The following DSG3 variants were observed in gnomAD, a reference collection of about 807,000 sequenced individuals.
DSG3 encodes the protein desmoglein 3, also known as desmoglein-3.
Under a neutral mutation model 85.9 loss-of-function variants are expected in DSG3, and 63 were observed. That is an observed-to-expected ratio of 0.73 (90% CI 0.60 to 0.90). DSG3 has a LOEUF of 0.90. Ranked by LOEUF, DSG3 falls within the 40% of genes least tolerant of loss-of-function variation. DSG3 has a pLI of 0.00. For missense variants in DSG3, 1,220 were observed against 1,219.9 expected (o/e 1.00, Z 0.00); for synonymous variants, 447 against 441.9 (o/e 1.01, Z -0.14).
chr18:31,450,803 G>A (rs1366392547), intron 1 of DSG3, among the ~76,000 whole-genome samples: 2 of 152,182 alleles, frequency 1.3e-5, no homozygotes, highest in African/African-American at 4.8e-5. Context: ...AAAAAGTGCT[G>A]TGAGAAAGAT....
chr18:31,457,551 T>TTCTTTCTTTCTTTC (rs2072752335), intron 3 of DSG3, among the ~76,000 whole-genome samples: 1 of 110,238 alleles, frequency 9.1e-6, no homozygotes, highest in Non-Finnish European at 1.8e-5. Flanking sequence ...TTCTTTCTCT[T>TTCTTTCTTTCTTTC]TCTTTCTTTC....
rs2072812367 is a variant in DSG3, at chr18:31,465,463, A to G, written c.1411+6A>G. 6.8e-7 allele frequency: 1 copy of G among 1,459,900 alleles called. No homozygotes were observed. Among genetic ancestry groups the G allele is most frequent in the Non-Finnish European group, 9.1e-7 (1 of 1,103,684 alleles). 90.4% of individuals were successfully genotyped at this position (1,459,900 alleles called of 1,614,324 possible). A position where few individuals can be genotyped will look rare whatever the true frequency, so the allele number is the denominator to read the frequency against. On this transcript the variant is annotated splice_donor_region_variant and intron_variant, in intron 10 of 15. Transcript: ENST00000257189. ...TGAGGTTCTGGCCATAGATGGTAAG[A>G]AAAATATTTGAATCATTTCAGAGGA...
chr18:31,457,574 T>TTTC (rs2072754309), intron 3 of DSG3, among the ~76,000 whole-genome samples: 4 of 74,530 alleles, frequency 5.4e-5, no homozygotes, highest in African/African-American at 2.4e-4. Context: ...TCTTTCTTTC[T>TTTC]TTCTTTCTTT....
intron 13 of DSG3, 48 bp from the exon 14 acceptor site, chr18:31,472,677 G>A: frequency 6.3e-7 from 1 of 1,595,224 alleles, no homozygotes; most frequent in Non-Finnish European, 8.6e-7. Context: ...ATATTGCTCT[G>A]AAATCTGGTT....
intron 1 of DSG3, among the ~76,000 whole-genome samples, chr18:31,452,603 G>A (rs1411891838): frequency 1.3e-5 from 2 of 148,954 alleles, no homozygotes; most frequent in Non-Finnish European, 3.0e-5. Flanking sequence ...TTTATTAAAT[G>A]GCAATTTAAT....
At position 31,475,835 on chromosome 18, in the gene DSG3, A is replaced by G. The variant is rs1373418048; in HGVS notation, c.2575A>G (p.Ile859Val). The G allele has an allele frequency of 6.2e-7, 1 of 1,614,086 alleles. No homozygotes were observed. The highest frequency in any genetic ancestry group is 8.5e-7 in the Non-Finnish European group (1 of 1,180,054). Residue 859 changes from isoleucine (I) to valine (V), a missense_variant, in exon 16 of 16, where the codon ATA (isoleucine) becomes GTA (valine). Coordinates refer to ENST00000257189, the MANE Select transcript of DSG3 (RefSeq NM_001944.3). ...ACCCAAATTTAAAAAACTTGCAGAG[A>G]TAAGCCTTGGTGTTGATGGTGAAGG... is the stretch of plus-strand genomic sequence containing the variant. The part of the protein sequence containing the change: ...LGPKFKKLAE[I>V]SLGVDGEGKE...
intron 9 of DSG3, among the ~76,000 whole-genome samples, chr18:31,464,587 A>G (rs2072805569): frequency 6.6e-6 from 1 of 152,174 alleles, no homozygotes; most frequent in Non-Finnish European, 1.5e-5. Flanking sequence ...ACATAAGCAC[A>G]AGTTACAGTG....
Position 31,471,259 on chromosome 18 carries a change from T to C in DSG3, c.1898-1025T>C, listed in dbSNP as rs142872660. Among the ~76,000 whole-genome samples the C allele has an allele frequency of 2.2e-4, 33 of 152,282 alleles. No individual in the cohort carries two copies. The East Asian group carries it at 6.4e-3, about 29-fold the overall frequency. Reference sequence around the variant, plus strand: ...GTGTGTCCCCCCAAAAAAATTCATATGTTGAAACTTAAACCCTAAAAAAAT... The same window carrying C: ...GTGTGTCCCCCCAAAAAAATTCATACGTTGAAACTTAAACCCTAAAAAAAT... On this transcript the variant is annotated intron_variant, in intron 12 of 15. Coordinates refer to ENST00000257189, the MANE Select transcript of DSG3 (RefSeq NM_001944.3).
At position 31,461,170 on chromosome 18, in the gene DSG3, A is replaced by C. The variant is rs1052945110; in HGVS notation, c.814-57A>C. On this transcript the variant is annotated intron_variant, in intron 7 of 15. Coordinates refer to ENST00000257189, the MANE Select transcript of DSG3 (RefSeq NM_001944.3). ...AAGGATTACCATTTAGAAGAAACAT[A>C]ATCTCTCCATGTAAAACCTGTCATT... The C allele has an allele frequency of 2.8e-6, 4 of 1,427,544 alleles. No individual in the cohort carries two copies. In the African/African-American group the frequency reaches 5.8e-5, roughly 21 times the overall value. The allele number at this position is 1,427,544 out of a possible 1,614,324, so 88.4% of individuals were successfully genotyped here.
At chr18:31,450,219 A>G (rs1461758072) in intron 1 of DSG3, among the ~76,000 whole-genome samples, 1 of 152,160 alleles carries the variant, frequency 6.6e-6, no homozygotes, top group Non-Finnish European at 1.5e-5. Context: ...GTGAAATTTG[A>G]GCTGATTTGG....
At chr18:31,450,897 G>A (rs1477141132) in intron 1 of DSG3, among the ~76,000 whole-genome samples, 1 of 152,082 alleles carries the variant, frequency 6.6e-6, no homozygotes, top group Non-Finnish European at 1.5e-5. Context: ...TTCACATTGT[G>A]TCTTACTATC....
rs770169881 is a variant in DSG3 at position 31,475,897 on chromosome 18, T to G, written c.2637T>G (p.Tyr879Ter). ...EVQPPSKDSGYGIESCGHPIE... is the reference protein window; with the variant it reads ...EVQPPSKDSG ...AGCCACCCTCTAAAGACAGCGGTTA[T>G]GGGATTGAATCCTGTGGCCATCCCA... Residue 879 changes from tyrosine to a stop codon, truncating the protein, a stop_gained, in exon 16 of 16, where the codon TAT (tyrosine) becomes TAG (stop). Transcript: ENST00000257189. LOFTEE classifies it low-confidence loss of function (END_TRUNC). 10 of 1,614,212 alleles carry G rather than the reference T, an allele frequency of 6.2e-6. No homozygotes were observed. The highest frequency in any genetic ancestry group is 1.7e-5 in the Admixed American group (1 of 60,016).
intron 12 of DSG3, among the ~76,000 whole-genome samples, chr18:31,471,968 A>G (rs2072858158): frequency 6.6e-6 from 1 of 152,228 alleles, no homozygotes; most frequent in Non-Finnish European, 1.5e-5. Context: ...AATCATAAAA[A>G]TGTATTAAGG....
intron 11 of DSG3, among the ~76,000 whole-genome samples, chr18:31,467,733 A>T (rs2072830891): frequency 1.3e-5 from 2 of 152,282 alleles, no homozygotes; most frequent in Middle Eastern, 3.4e-3. Flanking sequence ...ATTTTTCCCT[A>T]GCTCCTTTCT....
In DSG3 at chr18:31,466,659, G is replaced by C. The variant is rs267605162; in HGVS notation, c.1541G>C (p.Arg514Thr). Residue 514 changes from arginine (R) to threonine (T), a missense_variant, in exon 11 of 16, where the codon AGA (arginine) becomes ACA (threonine). Coordinates refer to ENST00000257189, the MANE Select transcript of DSG3 (RefSeq NM_001944.3). The stretch of plus-strand genomic sequence containing the variant: ...TCACCTTCCGTGGTTGTCTCCGCTA[G>C]AACACTGAATAATAGATACACTGGC... ...SSSPSVVVSA[R>T]TLNNRYTGPY... 6.2e-7 allele frequency: 1 copy of C among 1,614,172 alleles called. No individual in the cohort carries two copies. The highest frequency in any genetic ancestry group is 8.5e-7 in the Non-Finnish European group (1 of 1,180,034).
At chr18:31,457,585 C>T (rs202243505) in intron 3 of DSG3, among the ~76,000 whole-genome samples, 1,082 of 60,808 alleles carry the variant, frequency 0.018, 9 homozygotes, top group East Asian at 0.056. Flanking sequence ...TTCTTTCTTT[C>T]TTCTTTCTTT....
chr18:31,451,594 T>C (rs1333440472), intron 1 of DSG3, among the ~76,000 whole-genome samples: 1 of 152,210 alleles, frequency 6.6e-6, no homozygotes, highest in Admixed American at 6.5e-5. Flanking sequence ...AGATATCTCT[T>C]CTTCTCCTGA....
intron 5 of DSG3, among the ~76,000 whole-genome samples, 200 bp from the exon 6 acceptor site, chr18:31,459,645 T>A (rs565230657): frequency 1.3e-5 from 2 of 151,790 alleles, no homozygotes; most frequent in African/African-American, 4.8e-5. Flanking sequence ...AATCGAAGAG[T>A]TTGTATGGAA....
rs2072839064 is a variant in DSG3, at chr18:31,469,109, GC to G, written c.1660del (p.Gln554ArgfsTer29). On this transcript the variant is annotated frameshift_variant, in exon 12 of 16. Coordinates refer to ENST00000257189, the MANE Select transcript of DSG3 (RefSeq NM_001944.3). LOFTEE classifies it high-confidence loss of function. ...TLNATSALLR[A>X]QEQIPPGVYH... ...TACAGCTACCTCGGCCCTCCTCAGA[GC>G]CCAGGAACAGATACCTCCTGGAGTA... 6.2e-7 allele frequency: 1 copy of G among 1,614,084 alleles called. No individual in the cohort carries two copies. The highest frequency in any genetic ancestry group is 1.3e-5 in the African/African-American group (1 of 75,038).
Sources: allele counts gnomAD v4.1 joint callset (sites outside exome capture counted in the v4.1 genomes callset), GRCh38; gene constraint gnomAD v4.1.1; transcripts MANE v1.5; gene names NCBI Gene and HGNC (gene_info 2026-07-23, HGNC 2026-07-21).